The following MROH2B variants were observed in gnomAD, a reference collection of about 807,000 sequenced individuals.
The protein encoded by MROH2B is maestro heat-like repeat-containing protein family member 2B.
A neutral mutation model predicts 208.6 loss-of-function variants in MROH2B; 177 were observed. The ratio of observed to expected loss-of-function variants is 0.85; its 90% CI spans 0.75 to 0.96. MROH2B has a LOEUF of 0.96. MROH2B is among the 40% of genes least tolerant of loss of function. The pLI is 0.00. For missense variants in MROH2B, 2,002 were observed against 1,878.7 expected, an observed-to-expected ratio of 1.07 and a Z score of -1.21; for synonymous variants, 728 against 659.0, an observed-to-expected ratio of 1.10 and a Z score of -1.60.
At chr5:41,017,699 G>T (rs1361956728) in intron 28 of MROH2B, 151 bp downstream of exon 28, 5 of 768,838 alleles carry the variant, frequency 6.5e-6, no homozygotes, top group Non-Finnish European at 9.7e-6. Flanking sequence ...AGATGGGGAG[G>T]GGAGAGGAGA....
chr5:41,058,346 C>A (rs1461224701), intron 6 of MROH2B, 143 bp from the exon 7 acceptor site: 3 of 849,164 alleles, frequency 3.5e-6, no homozygotes, highest in Non-Finnish European at 4.9e-6. Flanking sequence ...TCTTTAAAAT[C>A]TTTAAAAAAT....
intron 10 of MROH2B, among the ~76,000 whole-genome samples, chr5:41,055,457 A>C (rs1190991989): frequency 9.0e-6 from 1 of 111,182 alleles, no homozygotes; most frequent in Non-Finnish European, 1.7e-5. Context: ...ATATTGGACC[A>C]TTTAATCAAC....
chr5:41,005,220 G>A, intron 35 of MROH2B: 1 of 527,488 alleles, frequency 1.9e-6, no homozygotes, highest in Non-Finnish European at 3.3e-6. Flanking sequence ...TGGATTGGCT[G>A]GAATAGTCTT....
chr5:41,049,001 G>T, intron 15 of MROH2B, 100 bp downstream of exon 15: 3 of 1,155,834 alleles, frequency 2.6e-6, no homozygotes, highest in Non-Finnish European at 3.7e-6. Context: ...GTTTCTTTTT[G>T]TTTGGAGTAT....
chr5:41,014,441 GT>G (rs1741872367), intron 29 of MROH2B, among the ~76,000 whole-genome samples: 1 of 152,150 alleles, frequency 6.6e-6, no homozygotes, highest in African/African-American at 2.4e-5. Flanking sequence ...CTGTTGTGGG[GT>G]AGGGGGGTGC....
intron 24 of MROH2B, among the ~76,000 whole-genome samples, chr5:41,027,631 G>A (rs1251108267): frequency 6.6e-6 from 1 of 152,172 alleles, no homozygotes; most frequent in African/African-American, 2.4e-5. Context: ...ACAGTGTGGC[G>A]ATTCCTCAAG....
Position 41,068,986 on chromosome 5 carries a change from C to T in MROH2B, c.90+705G>A, listed in dbSNP as rs118184568. On this transcript the variant is annotated intron_variant, in intron 2 of 41. Transcript: ENST00000399564. ...TTAAGAGATAAAGGTATAGGCACTG[C>T]CCTTCACAAGGAGACAACACTGAAT... is the stretch of plus-strand genomic sequence containing the variant. Among the ~76,000 whole-genome samples, 84 of 152,220 alleles carry T rather than the reference C, an allele frequency of 5.5e-4. No individual in the cohort carries two copies. The East Asian group carries it at 0.016, about 29-fold the overall frequency.
chr5:41,038,884 A>G lies in MROH2B; in HGVS notation c.2066T>C (p.Leu689Pro). ...EKFFMNRCKS[L>P]FSGKKSLTKT... Reference sequence around the variant, plus strand: ...GGTCAGGCTCTTTTTCCCAGAAAAAAGGCTCTGAAGACCAGGAAAGGGAGA... The same window carrying G: ...GGTCAGGCTCTTTTTCCCAGAAAAAGGGCTCTGAAGACCAGGAAAGGGAGA... Residue 689 changes from leucine (L) to proline (P), a missense_variant, in exon 21 of 42, where the codon CTT (leucine) becomes CCT (proline). Physicochemically the swap from Leu to Pro is moderately conservative, Grantham distance 98 (BLOSUM62 -3). Transcript: ENST00000399564. 6.2e-6 allele frequency: 10 copies of G among 1,602,118 alleles called. No individual in the cohort carries two copies. The highest frequency in any genetic ancestry group is 1.1e-5 in the South Asian group (1 of 89,622).
intron 28 of MROH2B, among the ~76,000 whole-genome samples, chr5:41,017,171 A>G (rs141447737): frequency 6.6e-6 from 1 of 152,340 alleles, no homozygotes; most frequent in African/African-American, 2.4e-5. Flanking sequence ...CACACACACA[A>G]CGTAGGGCTG....
At chr5:41,030,538 C>T (rs772310715) in intron 24 of MROH2B, among the ~76,000 whole-genome samples, 2 of 151,946 alleles carry the variant, frequency 1.3e-5, no homozygotes, top group Non-Finnish European at 2.9e-5. Context: ...GTGAAAATGC[C>T]CATACTGCCC....
At position 41,061,349 on chromosome 5, in the gene MROH2B, A is replaced by G. The variant is rs557688185; in HGVS notation, c.615+221T>C. Among the ~76,000 whole-genome samples, 5 of 152,226 alleles carry G rather than the reference A, an allele frequency of 3.3e-5. No homozygotes were observed. In the South Asian group the frequency reaches 1.0e-3, roughly 31 times the overall value. On this transcript the variant is annotated intron_variant, in intron 6 of 41. Coordinates refer to ENST00000399564, the MANE Select transcript of MROH2B (RefSeq NM_173489.5). ...TCCTGCTACAACCTCGGCATCTGGA[A>G]TAGTGTCTGGCATGTCATGGGGATT...
At chr5:41,009,429 T>G (rs755379179) in intron 31 of MROH2B, 23 bp from the exon 32 acceptor site, 1 of 1,611,554 alleles carries the variant, frequency 6.2e-7, no homozygotes, top group South Asian at 1.1e-5. Context: ...AGCAGGAAAT[T>G]GGTAGATAAG....
chr5:41,000,338 A>G lies in MROH2B; in HGVS notation c.4364T>C (p.Val1455Ala). Residue 1455 changes from valine to alanine, a missense_variant, in exon 39 of 42, where the codon GTC becomes GCC. Coordinates refer to ENST00000399564, the MANE Select transcript of MROH2B (RefSeq NM_173489.5). ...CAAAAAGGGAATGCAGACCATCAAG[A>G]CATCACGGCAAGCCTGGAAAACAGA... ...NPKIGVACRD[V>A]LMVCIPFLGL... The G allele has an allele frequency of 6.2e-7, 1 of 1,613,740 alleles. No individual in the cohort carries two copies. Among genetic ancestry groups the G allele is most frequent in the South Asian group, 1.1e-5 (1 of 91,032 alleles).
intron 6 of MROH2B, among the ~76,000 whole-genome samples, chr5:41,060,984 T>C (rs972856867): frequency 1.3e-5 from 2 of 152,180 alleles, no homozygotes; most frequent in African/African-American, 4.8e-5. Context: ...AAAAAAACTA[T>C]AGCAATTAAG....
At position 41,032,629 on chromosome 5, in the gene MROH2B, T is replaced by G. The variant is rs1390998773; in HGVS notation, c.2441+113A>C. ...CAGTTTGAAGCTCCCATTAATGAAC[T>G]GTGTTCAGTTTTGGGAGTGTGTACT... On this transcript the variant is annotated intron_variant, in intron 24 of 41. Coordinates refer to ENST00000399564, the MANE Select transcript of MROH2B (RefSeq NM_173489.5). 3 of 813,550 alleles carry G rather than the reference T, an allele frequency of 3.7e-6. No individual in the cohort carries two copies. The East Asian group carries it at 8.0e-5, about 22-fold the overall frequency. The allele number at this position is 813,550 out of a possible 1,614,324, so 50.4% of individuals were successfully genotyped here.
At chr5:41,060,771 G>T (rs1049746116) in intron 6 of MROH2B, among the ~76,000 whole-genome samples, 1 of 152,064 alleles carries the variant, frequency 6.6e-6, no homozygotes, top group Non-Finnish European at 1.5e-5. Context: ...TGTTTTCCAG[G>T]TGTCTTGAAG....
chr5:41,007,292 T>C lies in MROH2B; in HGVS notation c.3749+22A>G, dbSNP rs756716198. On this transcript the variant is annotated intron_variant, in intron 34 of 41. Transcript: ENST00000399564. ...TTTTTGTTTTCTTCTTTGTATCTGGTTCTAGAAAAAGTGCACATTACCTGG... is the reference window on the plus strand; with the variant it reads ...TTTTTGTTTTCTTCTTTGTATCTGGCTCTAGAAAAAGTGCACATTACCTGG... 1.8e-5 allele frequency: 24 copies of C among 1,359,990 alleles called. No individual in the cohort carries two copies. In the South Asian group the frequency reaches 3.9e-4, roughly 22 times the overall value. The allele number at this position is 1,359,990 out of a possible 1,614,324, so 84.2% of individuals were successfully genotyped here. A position where few individuals can be genotyped will look rare whatever the true frequency, so the allele number is the denominator to read the frequency against.
intron 35 of MROH2B, 81 bp from the exon 36 acceptor site, chr5:41,005,001 C>T: frequency 1.3e-6 from 2 of 1,520,116 alleles, no homozygotes; most frequent in Non-Finnish European, 1.8e-6. Flanking sequence ...ATCACAAGTA[C>T]AATTAAAGAG....
At position 41,010,832 on chromosome 5, in the gene MROH2B, C is replaced by G. The variant is rs562881311; in HGVS notation, c.3136-753G>C. Among the ~76,000 whole-genome samples the G allele has an allele frequency of 1.2e-3, 177 of 152,230 alleles. 1 individual carries two copies. The highest frequency in any genetic ancestry group is 1.4e-3 in the Non-Finnish European group (98 of 68,026). ...GTTTACTGATCGTAACAAATCTACT[C>G]TGGTGGGAGATATTGACAGTCGGGA... On this transcript the variant is annotated intron_variant, in intron 30 of 41. Transcript: ENST00000399564.
Sources: allele counts gnomAD v4.1 joint callset (sites outside exome capture counted in the v4.1 genomes callset), GRCh38; gene constraint gnomAD v4.1.1; transcripts MANE v1.5; gene names NCBI Gene and HGNC (gene_info 2026-07-23, HGNC 2026-07-21).